DCC: variants seen among roughly 807,000 people sequenced by gnomAD.
The protein encoded by DCC is netrin receptor DCC.
A neutral mutation model predicts 172.5 loss-of-function variants in DCC; 58 were observed. The ratio of observed to expected loss-of-function variants is 0.34; its 90% confidence interval spans 0.27 to 0.42. The LOEUF (loss-of-function observed/expected upper bound fraction) is 0.42. Among genes scored for constraint, DCC ranks in the 10% least tolerant of loss-of-function variants. The pLI is 1.00. For synonymous variants in DCC, 709 were observed against 644.5 expected, an observed-to-expected ratio of 1.10 and a Z score of -1.52; for missense variants, 1,740 against 1,791.0, an observed-to-expected ratio of 0.97 and a Z score of 0.51.
intron 2 of DCC, among the ~76,000 whole-genome samples, chr18:52,873,691 G>A (rs1225926461): frequency 3.9e-5 from 6 of 152,128 alleles, no homozygotes; most frequent in East Asian, 3.9e-4. Context: ...CCTAAACTAC[G>A]TTGCTGTCTT....
intron 5 of DCC, among the ~76,000 whole-genome samples, chr18:52,996,731 T>G (rs900967127): frequency 6.6e-6 from 1 of 151,156 alleles, no homozygotes; most frequent in African/African-American, 2.4e-5. Flanking sequence ...TGCCACACAC[T>G]CTACTTGATT....
At chr18:53,180,684 G>A (rs1282551464) in intron 9 of DCC, among the ~76,000 whole-genome samples, 2 of 151,878 alleles carry the variant, frequency 1.3e-5, no homozygotes, top group Admixed American at 6.6e-5. Flanking sequence ...TTATTTTTGG[G>A]ACGGAGTCTC....
intron 7 of DCC, among the ~76,000 whole-genome samples, chr18:53,112,012 A>G (rs1352551578): frequency 1.3e-5 from 2 of 151,558 alleles, no homozygotes; most frequent in Admixed American, 6.6e-5. Context: ...CTGAGTGGAT[A>G]CTGGAGACTG....
At chr18:53,424,106 G>A (rs569107627) in intron 21 of DCC, among the ~76,000 whole-genome samples, 16 of 152,270 alleles carry the variant, frequency 1.1e-4, no homozygotes, top group Admixed American at 7.8e-4. Flanking sequence ...TTCAGCTGAT[G>A]GTAGTTACAT....
In DCC at chr18:52,660,337, A is replaced by T. The variant is rs147229009; in HGVS notation, c.92-91717A>T. ...CCTCTTTTCCTTTTTCTGCAACTAGATGTTGTGAAAGGGAGAATCCATGAA... is the reference window on the plus strand; with the variant it reads ...CCTCTTTTCCTTTTTCTGCAACTAGTTGTTGTGAAAGGGAGAATCCATGAA... On this transcript the variant is annotated intron_variant, in intron 1 of 28. Transcript: ENST00000442544. Among the ~76,000 whole-genome samples, 11 of 152,158 alleles carry T rather than the reference A, an allele frequency of 7.2e-5. No individual in the cohort carries two copies. In the East Asian group the frequency reaches 1.9e-3, roughly 27 times the overall value.
At chr18:52,651,081 T>A (rs1363864436) in intron 1 of DCC, among the ~76,000 whole-genome samples, 2 of 152,230 alleles carry the variant, frequency 1.3e-5, no homozygotes, top group Admixed American at 1.3e-4. Context: ...CCTCCCTGAC[T>A]TCAGGCAACC....
chr18:52,376,665 A>AT (rs1017363876), intron 1 of DCC, among the ~76,000 whole-genome samples: 1 of 152,010 alleles, frequency 6.6e-6, no homozygotes, highest in African/African-American at 2.4e-5. Flanking sequence ...TTATTTGGGG[A>AT]TTTTCTCTGC....
intron 9 of DCC, among the ~76,000 whole-genome samples, chr18:53,201,043 A>C (rs1041601735): frequency 2.0e-5 from 3 of 152,090 alleles, no homozygotes; most frequent in Non-Finnish European, 2.9e-5. Flanking sequence ...CTTGGAGTCC[A>C]TTTGAATTGT....
chr18:53,460,446 A>C lies in DCC; in HGVS notation c.3619+988A>C, dbSNP rs1444207527. Among the ~76,000 whole-genome samples the C allele has an allele frequency of 5.7e-5, 4 of 70,676 alleles. No individual in the cohort carries two copies. The Admixed American group carries it at 8.7e-4, about 15-fold the overall frequency. 46.4% of individuals were successfully genotyped at this position (70,676 alleles called of 152,430 possible). On this transcript the variant is annotated intron_variant, in intron 24 of 28. Transcript: ENST00000442544. The stretch of plus-strand genomic sequence containing the variant: ...TCCCTCCCCCCTCCCCCCACCCCAC[A>C]ACAGTCCCCAGAGTGTGATGTTCCC...
chr18:52,441,011 T>A (rs1450513532), intron 1 of DCC, among the ~76,000 whole-genome samples: 2 of 152,214 alleles, frequency 1.3e-5, no homozygotes, highest in Non-Finnish European at 2.9e-5. Context: ...AGTCACTTGA[T>A]AGGGACTTAA....
At chr18:53,430,608 T>G (rs1911551472) in intron 21 of DCC, among the ~76,000 whole-genome samples, 1 of 152,172 alleles carries the variant, frequency 6.6e-6, no homozygotes, top group Non-Finnish European at 1.5e-5. Context: ...TTATTTCATT[T>G]TATACGTACA....
chr18:53,435,270 GTGTC>G, intron 22 of DCC, 61 bp downstream of exon 22: 2 of 1,145,876 alleles, frequency 1.7e-6, no homozygotes, highest in Non-Finnish European at 2.6e-6. Context: ...TAATTCAAGA[GTGTC>G]TGGGGCAAAT....
intron 9 of DCC, among the ~76,000 whole-genome samples, chr18:53,203,662 C>T (rs564006925): frequency 6.6e-6 from 1 of 152,288 alleles, no homozygotes; most frequent in South Asian, 2.1e-4. Context: ...TCAACAGATT[C>T]ATGCCAGTCA....
At position 52,448,917 on chromosome 18, in the gene DCC, A is replaced by G. The variant is rs375433756; in HGVS notation, c.91+108039A>G. 6.6e-5 allele frequency among the ~76,000 whole-genome samples: 10 copies of G among 152,366 alleles called. 1 individual carries two copies. The East Asian group carries it at 1.9e-3, about 29-fold the overall frequency. On this transcript the variant is annotated intron_variant, in intron 1 of 28. Coordinates refer to ENST00000442544, the MANE Select transcript of DCC (RefSeq NM_005215.4). ...TTAACATTTGCTAGTTTCTTTCCTT[A>G]GAATAATAGTCTTAATCTTAGAGCT...
intron 5 of DCC, among the ~76,000 whole-genome samples, chr18:53,049,324 T>C (rs1256125641): frequency 6.6e-6 from 1 of 152,076 alleles, no homozygotes; most frequent in Non-Finnish European, 1.5e-5. Context: ...TTAGGTTTAA[T>C]ATTTAAGTCT....
At chr18:52,761,727 C>T (rs111937972) in intron 2 of DCC, among the ~76,000 whole-genome samples, 1 of 151,854 alleles carries the variant, frequency 6.6e-6, no homozygotes, top group East Asian at 1.9e-4. Flanking sequence ...AAAGACAGAG[C>T]CTTAGCCTCA....
intron 5 of DCC, among the ~76,000 whole-genome samples, chr18:53,030,163 C>T (rs2042008784): frequency 6.6e-6 from 1 of 152,212 alleles, no homozygotes. Context: ...GAGATGGTCT[C>T]CAGGAAACTT....
chr18:53,215,503 C>A (rs771599873), intron 11 of DCC, 45 bp from the exon 12 acceptor site: 52 of 1,520,654 alleles, frequency 3.4e-5, no homozygotes, highest in Non-Finnish European at 4.5e-5. Context: ...ATTTTTCTTT[C>A]AAGATTTTGG....
At chr18:52,667,839 A>T (rs1238790344) in intron 1 of DCC, among the ~76,000 whole-genome samples, 1 of 152,226 alleles carries the variant, frequency 6.6e-6, no homozygotes, top group Non-Finnish European at 1.5e-5. Flanking sequence ...AGCATTTGAT[A>T]GGTCATCTGT....
Sources: gnomAD v4.1 joint callset for allele counts (sites outside exome capture counted in the v4.1 genomes callset) on GRCh38, gnomAD v4.1.1 for gene constraint, MANE v1.5 for transcripts, NCBI Gene and HGNC (gene_info 2026-07-23, HGNC 2026-07-21) for gene names.